The following ERBB4 variants were observed in gnomAD, a reference collection of about 807,000 sequenced individuals.
ERBB4 encodes the protein receptor tyrosine-protein kinase erbB-4.
Under a neutral mutation model 158.0 loss-of-function variants are expected in ERBB4, and 42 were observed. The ratio of observed to expected loss-of-function variants is 0.27; its 90% CI spans 0.21 to 0.34. The LOEUF is 0.34. Ranked by LOEUF, ERBB4 falls within the 10% of genes least tolerant of loss-of-function variation. The pLI, the probability that ERBB4 is intolerant of heterozygous loss-of-function variation, is 1.00. For synonymous variants in ERBB4, 583 were observed against 558.7 expected, an observed-to-expected ratio of 1.04 and a Z score of -0.61; for missense variants, 1,333 against 1,624.1, an observed-to-expected ratio of 0.82 and a Z score of 3.08.
chr2:212,410,622 A>G (rs2091469319), intron 1 of ERBB4, among the ~76,000 whole-genome samples: 1 of 152,098 alleles, frequency 6.6e-6, no homozygotes, highest in Non-Finnish European at 1.5e-5. Context: ...GTCTAAGACT[A>G]ACTTAAGGCA....
At chr2:212,300,278 T>G (rs1425736545) in intron 1 of ERBB4, among the ~76,000 whole-genome samples, 2 of 151,644 alleles carry the variant, frequency 1.3e-5, no homozygotes, top group East Asian at 3.9e-4. Flanking sequence ...CACTATGCTT[T>G]CTTTCATTTT....
At chr2:211,531,887 G>C (rs578094096) in intron 20 of ERBB4, among the ~76,000 whole-genome samples, 1 of 152,184 alleles carries the variant, frequency 6.6e-6, no homozygotes, top group African/African-American at 2.4e-5. Flanking sequence ...ATTCACAATA[G>C]TCAAGATTTG....
intron 1 of ERBB4, among the ~76,000 whole-genome samples, chr2:212,237,393 G>C (rs1035304418): frequency 2.6e-5 from 4 of 152,180 alleles, no homozygotes; most frequent in Non-Finnish European, 5.9e-5. Context: ...GTTTGCCTGA[G>C]TATCACCAGT....
At chr2:212,261,223 T>A (rs903809256) in intron 1 of ERBB4, among the ~76,000 whole-genome samples, 7 of 152,182 alleles carry the variant, frequency 4.6e-5, no homozygotes, top group Non-Finnish European at 1.0e-4. Context: ...TTTGATTATA[T>A]ACAAGGTTAC....
At chr2:211,688,996 A>G (rs544715635) in intron 12 of ERBB4, among the ~76,000 whole-genome samples, 2 of 151,890 alleles carry the variant, frequency 1.3e-5, no homozygotes, top group African/African-American at 4.9e-5. Flanking sequence ...ATATATTATG[A>G]CATTTTATCT....
At chr2:212,429,360 T>C (rs1231074993) in intron 1 of ERBB4, 1 of 152,272 alleles carries the variant, frequency 6.6e-6, no homozygotes, top group Non-Finnish European at 1.5e-5. Flanking sequence ...CTGATAATCA[T>C]CCACACAGGC....
intron 2 of ERBB4, chr2:212,124,495 T>G: frequency 2.1e-6 from 1 of 485,372 alleles, no homozygotes; most frequent in South Asian, 2.1e-5. Context: ...AGATGTCATG[T>G]ACTACATGGT....
At chr2:211,524,657 G>GCCGGCTGCTCGGAGTGCTCCGGCTGCT (rs1574669445) in intron 20 of ERBB4, among the ~76,000 whole-genome samples, 3 of 144,406 alleles carry the variant, frequency 2.1e-5, no homozygotes, top group East Asian at 4.2e-4. Flanking sequence ...CGGCAGGGCC[G>GCCGGCTGCTCGGAGTGCTCCGGCTGCT]CCGGCTGCTC....
At chr2:211,578,957 TAACTA>T (rs1348253697) in intron 19 of ERBB4, among the ~76,000 whole-genome samples, 1 of 152,124 alleles carries the variant, frequency 6.6e-6, no homozygotes, top group Non-Finnish European at 1.5e-5. Context: ...AAATGGGATC[TAACTA>T]AACTAAAGAT....
intron 1 of ERBB4, among the ~76,000 whole-genome samples, chr2:212,382,562 A>T (rs537044187): frequency 1.3e-5 from 2 of 150,914 alleles, no homozygotes; most frequent in Non-Finnish European, 1.5e-5. Context: ...ATTTATATGT[A>T]TATTTTCCCT....
intron 1 of ERBB4, among the ~76,000 whole-genome samples, chr2:212,135,900 T>C (rs1364969114): frequency 6.6e-6 from 1 of 152,228 alleles, no homozygotes; most frequent in Non-Finnish European, 1.5e-5. Context: ...TGGCTCTCCT[T>C]GAGGTCTTGC....
chr2:211,481,534 T>G (rs2125548795), intron 20 of ERBB4, among the ~76,000 whole-genome samples: 1 of 152,082 alleles, frequency 6.6e-6, no homozygotes, highest in South Asian at 2.1e-4. Flanking sequence ...TCTTTTTTTT[T>G]TTTTTTCCTT....
chr2:211,892,041 TC>T lies in ERBB4; in HGVS notation c.421+55388del, dbSNP rs1404339083. 6.0e-3 allele frequency among the ~76,000 whole-genome samples: 741 copies of T among 123,438 alleles called. 66 individuals are homozygous for T. Among genetic ancestry groups the T allele is most frequent in the African/African-American group, 0.024 (707 of 28,998 alleles). 81.0% of individuals were successfully genotyped at this position (123,438 alleles called of 152,430 possible). On this transcript the variant is annotated intron_variant, in intron 3 of 27. Coordinates refer to ENST00000342788, the MANE Select transcript of ERBB4 (RefSeq NM_005235.3). The stretch of plus-strand genomic sequence containing the variant: ...CAATCAATAGAAAAAGAGGGAATCC[TC>T]CCTAACTCATTTTATGAGGCCAGCA...
intron 1 of ERBB4, among the ~76,000 whole-genome samples, chr2:212,349,357 G>A (rs974700874): frequency 6.6e-6 from 1 of 150,960 alleles, no homozygotes; most frequent in Non-Finnish European, 1.5e-5. Flanking sequence ...TGTGACTAGC[G>A]ACTACCATAT....
chr2:211,722,268 T>C (rs889664674), intron 7 of ERBB4, 125 bp downstream of exon 7: 13 of 750,270 alleles, frequency 1.7e-5, no homozygotes, highest in Non-Finnish European at 2.9e-5. Flanking sequence ...ATGGGGGCAA[T>C]AGTATCTATA....
chr2:211,815,448 A>C (rs1397006807), intron 3 of ERBB4, among the ~76,000 whole-genome samples: 1 of 152,226 alleles, frequency 6.6e-6, no homozygotes, highest in Non-Finnish European at 1.5e-5. Context: ...GTAAGGTAAA[A>C]AGCAATCTAT....
Position 211,787,970 on chromosome 2 carries a change from C to T in ERBB4, c.556+55G>A, listed in dbSNP as rs1301625437. The stretch of plus-strand genomic sequence containing the variant: ...AATGACATAATAAGCATAACTCATT[C>T]ATCGCCACATAGGGTAGAACATTTT... On this transcript the variant is annotated intron_variant, in intron 4 of 27. Coordinates refer to ENST00000342788, the MANE Select transcript of ERBB4 (RefSeq NM_005235.3). 11 of 1,553,818 alleles carry T rather than the reference C, an allele frequency of 7.1e-6. No homozygotes were observed. In the African/African-American group the frequency reaches 1.4e-4, roughly 19 times the overall value.
chr2:211,583,902 G>A (rs1002779237), intron 19 of ERBB4, among the ~76,000 whole-genome samples: 1 of 150,474 alleles, frequency 6.6e-6, no homozygotes, highest in Non-Finnish European at 1.5e-5. Context: ...TGCCCTATAG[G>A]TTTCCTTTAA....
chr2:211,842,589 A>G (rs1042074460), intron 3 of ERBB4, among the ~76,000 whole-genome samples: 3 of 152,034 alleles, frequency 2.0e-5, no homozygotes, highest in Admixed American at 6.6e-5. Flanking sequence ...TGATATTTAA[A>G]GTCAAAGGAA....
Sources: allele counts gnomAD v4.1 joint callset (sites outside exome capture counted in the v4.1 genomes callset), GRCh38; gene constraint gnomAD v4.1.1; transcripts MANE v1.5; gene names NCBI Gene and HGNC (gene_info 2026-07-23, HGNC 2026-07-21).